Variants in DYNC2I1 observed in about 807,000 individuals in gnomAD.
The protein encoded by DYNC2I1 is dynein 2 intermediate chain 1, also known as cytoplasmic dynein 2 intermediate chain 1.
Under a neutral mutation model 133.4 loss-of-function variants are expected in DYNC2I1, and 89 were observed. The ratio of observed to expected loss-of-function variants is 0.67; its 90% CI spans 0.56 to 0.80. DYNC2I1 has a LOEUF of 0.80. DYNC2I1 is among the 30% of genes least tolerant of loss of function. The pLI is 0.00. For synonymous variants in DYNC2I1, 504 were observed against 484.3 expected (o/e 1.04, Z -0.54); for missense variants, 1,291 against 1,314.5 (o/e 0.98, Z 0.28).
chr7:158,882,698 C>T lies in DYNC2I1; in HGVS notation c.880-1866C>T, dbSNP rs545690781. ...GACCAGCCTGGCTAACATAGTGAAA[C>T]CCTGTCTCTACTAAAAAATACACAA... On this transcript the variant is annotated intron_variant, in intron 5 of 24. Coordinates refer to ENST00000407559, the MANE Select transcript of DYNC2I1 (RefSeq NM_018051.5). Among the ~76,000 whole-genome samples, 3 of 152,136 alleles carry T rather than the reference C, an allele frequency of 2.0e-5. No individual in the cohort carries two copies. The South Asian group carries it at 6.2e-4, about 32-fold the overall frequency.
intron 23 of DYNC2I1, among the ~76,000 whole-genome samples, chr7:158,936,316 T>C (rs1850745630): frequency 6.6e-6 from 1 of 152,308 alleles, no homozygotes; most frequent in Non-Finnish European, 1.5e-5. Context: ...CACCAAGATC[T>C]TCACCAATAA....
rs2657331 is a variant in DYNC2I1, at chr7:158,934,585, T to A, written c.2778+36T>A. The A allele has an allele frequency of 0.53, 815,812 of 1,542,340 alleles. 218,042 individuals carry two copies. Among genetic ancestry groups the A allele is most frequent in the Admixed American group, 0.58 (28,946 of 50,304 alleles). The stretch of plus-strand genomic sequence containing the variant: ...TTGTTTTTCAGAGCTCCAATTCTTC[T>A]TTTTTTGTTTTTTGAGACAGGGTCT... On this transcript the variant is annotated intron_variant, in intron 23 of 24. Coordinates refer to ENST00000407559, the MANE Select transcript of DYNC2I1 (RefSeq NM_018051.5).
chr7:158,945,500 G>A lies in DYNC2I1; in HGVS notation c.3003-81G>A, dbSNP rs1851793421. 2 of 1,405,748 alleles carry A rather than the reference G, an allele frequency of 1.4e-6. No homozygotes were observed. The highest frequency in any genetic ancestry group is 1.9e-6 in the Non-Finnish European group (2 of 1,042,188). 87.1% of individuals were successfully genotyped at this position (1,405,748 alleles called of 1,614,324 possible). A position where few individuals can be genotyped will look rare whatever the true frequency, so the allele number is the denominator to read the frequency against. On this transcript the variant is annotated intron_variant, in intron 24 of 24. Coordinates refer to ENST00000407559, the MANE Select transcript of DYNC2I1 (RefSeq NM_018051.5). This position sits in a 1 kb window ranked among gnomAD's most constrained non-coding sequence, Gnocchi z 4.1. ...CATCCGTTTCACTCTTCCCATGGAA[G>A]GTAGACATTTTGAAGACTCAGACAG...
intron 1 of DYNC2I1, among the ~76,000 whole-genome samples, chr7:158,867,394 A>G (rs1486860043): frequency 6.6e-6 from 1 of 152,340 alleles, no homozygotes; most frequent in Non-Finnish European, 1.5e-5. Flanking sequence ...CTGAGGCCTC[A>G]GTGCAGCTGT....
chr7:158,888,610 C>T (rs1844856495), intron 7 of DYNC2I1, among the ~76,000 whole-genome samples: 1 of 151,760 alleles, frequency 6.6e-6, no homozygotes, highest in Non-Finnish European at 1.5e-5. Flanking sequence ...GCTGGGATCA[C>T]AGGCATGCGC....
chr7:158,905,563 G>A (rs970953708), intron 10 of DYNC2I1, among the ~76,000 whole-genome samples: 1 of 152,058 alleles, frequency 6.6e-6, no homozygotes, highest in Non-Finnish European at 1.5e-5. Flanking sequence ...CTTTTGTTTC[G>A]TGCCCTTTGA....
intron 12 of DYNC2I1, among the ~76,000 whole-genome samples, chr7:158,912,118 C>T (rs1257329492): frequency 6.6e-6 from 1 of 152,198 alleles, no homozygotes; most frequent in Non-Finnish European, 1.5e-5. Context: ...CTGTCTGTTC[C>T]TCAGTGTCCA....
Position 158,895,460 on chromosome 7 carries a change from G to C in DYNC2I1, c.1059+4127G>C, listed in dbSNP as rs1585069368. The stretch of plus-strand genomic sequence containing the variant: ...AAGATCAGTTGATGTATTTATGTGG[G>C]TCTATTTCTGGGCTCTTTGTTCTGT... On this transcript the variant is annotated intron_variant, in intron 8 of 24. Transcript: ENST00000407559. Among the ~76,000 whole-genome samples the C allele has an allele frequency of 2.0e-5, 3 of 152,152 alleles. No homozygotes were observed. The South Asian group carries it at 6.2e-4, about 32-fold the overall frequency.
intron 11 of DYNC2I1, among the ~76,000 whole-genome samples, chr7:158,906,855 G>GA (rs761756883): frequency 6.6e-6 from 1 of 152,172 alleles, no homozygotes; most frequent in Non-Finnish European, 1.5e-5. Context: ...TTTACTAAAT[G>GA]AAAAAATCAA....
intron 14 of DYNC2I1, among the ~76,000 whole-genome samples, chr7:158,915,724 G>A (rs866251989): frequency 2.8e-5 from 4 of 145,452 alleles, no homozygotes; most frequent in East Asian, 2.0e-4. Flanking sequence ...GTGAAACGTC[G>A]ACACGCTGGT....
intron 1 of DYNC2I1, among the ~76,000 whole-genome samples, chr7:158,868,138 C>G (rs1842568351): frequency 6.6e-6 from 1 of 152,026 alleles, no homozygotes; most frequent in African/African-American, 2.4e-5. Flanking sequence ...GGCCCACGTT[C>G]GAGGAAGGGG....
At chr7:158,937,622 G>GAAAAAAAAAAAAAGAA (rs1850895721) in intron 23 of DYNC2I1, among the ~76,000 whole-genome samples, 2 of 109,466 alleles carry the variant, frequency 1.8e-5, no homozygotes, top group Non-Finnish European at 3.6e-5. Context: ...ACTGTCTCAA[G>GAAAAAAAAAAAAAGAA]AAAAAAAAAA....
intron 24 of DYNC2I1, among the ~76,000 whole-genome samples, chr7:158,942,646 A>G (rs1044789672): frequency 3.3e-5 from 5 of 152,350 alleles, no homozygotes; most frequent in South Asian, 4.1e-4. Flanking sequence ...TCCTTTGCCA[A>G]TCTTATGAGC....
chr7:158,843,738 G>A, the DYNC2I1 span, among the ~76,000 whole-genome samples: 3 of 152,192 alleles, frequency 2.0e-5, no homozygotes, highest in Non-Finnish European at 2.9e-5. Context: ...AAACTAAAAC[G>A]TGACAGAGGC....
chr7:158,926,203 A>G lies in DYNC2I1; in HGVS notation c.2274A>G (p.Ser758=). The change falls in exon 18 of 25, where the codon TCA becomes TCG. Residue 758 remains serine (S), a synonymous_variant. Transcript: ENST00000407559. Reference sequence around the variant, plus strand: ...GAACTCCAGATGGAATCCTTACCTCAGTAAACCACCGAAGCCCTCTTCAAG... The same window carrying G: ...GAACTCCAGATGGAATCCTTACCTCGGTAAACCACCGAAGCCCTCTTCAAG... ...ATFSTDGILT[S]VNHRSPLQAV... is the part of the protein sequence containing the mutation. 6.2e-7 allele frequency: 1 copy of G among 1,613,266 alleles called. No homozygotes were observed. Among genetic ancestry groups the G allele is most frequent in the Admixed American group, 1.7e-5 (1 of 59,938 alleles).
chr7:158,848,373 G>C, the DYNC2I1 span, among the ~76,000 whole-genome samples: 1 of 151,938 alleles, frequency 6.6e-6, no homozygotes, highest in Non-Finnish European at 1.5e-5. Context: ...AGGGTAAAAG[G>C]GCCCATTTTA....
chr7:158,948,094 A>T (rs1332561749), downstream of DYNC2I1, among the ~76,000 whole-genome samples: 1 of 152,196 alleles, frequency 6.6e-6, no homozygotes, highest in East Asian at 1.9e-4. Context: ...GGCGCTAGCG[A>T]TGCCTCCGGG....
intron 16 of DYNC2I1, among the ~76,000 whole-genome samples, chr7:158,923,288 C>A (rs961841130): frequency 2.0e-5 from 3 of 152,194 alleles, no homozygotes; most frequent in African/African-American, 7.2e-5. Context: ...GCTGAGTGGA[C>A]AGGCTCCCGG....
At chr7:158,922,261 G>C (rs1849173851) in intron 15 of DYNC2I1, 116 bp from the exon 16 acceptor site, 1 of 1,001,866 alleles carries the variant, frequency 1.0e-6, no homozygotes, top group African/African-American at 1.6e-5. Flanking sequence ...GTTTCGAAAG[G>C]ACCACGTTTG....
Sources: allele counts gnomAD v4.1 joint callset (sites outside exome capture counted in the v4.1 genomes callset), GRCh38; gene constraint gnomAD v4.1.1; non-coding constraint Gnocchi (gnomAD v3.1); transcripts MANE v1.5; gene names NCBI Gene and HGNC (gene_info 2026-07-23, HGNC 2026-07-21).